Variants in CLEC16A observed in about 807,000 individuals in gnomAD.
CLEC16A encodes C-type lectin domain containing 16A, also known as protein CLEC16A.
Under a neutral mutation model 109.5 loss-of-function variants are expected in CLEC16A, and 51 were observed. The observed-to-expected ratio is 0.47, with a 90% CI of 0.37 to 0.59. The LOEUF (loss-of-function observed/expected upper bound fraction) is 0.59. Ranked by LOEUF, CLEC16A falls within the 20% of genes least tolerant of loss-of-function variation. The probability of loss-of-function intolerance (pLI) is 0.00; values close to 1 mark genes in which losing one functional copy is unlikely to be tolerated. For synonymous variants in CLEC16A, 673 were observed against 564.2 expected, an observed-to-expected ratio of 1.19 and a Z score of -2.73; for missense variants, 1,339 against 1,394.0, an observed-to-expected ratio of 0.96 and a Z score of 0.63.
At chr16:11,012,293 T>C (rs1282197279) in intron 11 of CLEC16A, among the ~76,000 whole-genome samples, 1 of 152,164 alleles carries the variant, frequency 6.6e-6, no homozygotes, top group African/African-American at 2.4e-5. Flanking sequence ...GAGCTGTACA[T>C]ACACTTAAGA....
chr16:11,085,472 A>G lies in CLEC16A; in HGVS notation c.2116+24450A>G, dbSNP rs567175956. On this transcript the variant is annotated intron_variant, in intron 19 of 23. Transcript: ENST00000409790. ...GCGTGAGGCCTTGGCTGTCCTCTTCATCTTTCTGCGTGTCTGTTTCTTCAG... is the reference window on the plus strand; with the variant it reads ...GCGTGAGGCCTTGGCTGTCCTCTTCGTCTTTCTGCGTGTCTGTTTCTTCAG... 5.9e-5 allele frequency among the ~76,000 whole-genome samples: 9 copies of G among 152,380 alleles called. No individual in the cohort carries two copies. In the East Asian group the frequency reaches 1.7e-3, roughly 29 times the overall value.
intron 10 of CLEC16A, among the ~76,000 whole-genome samples, chr16:10,999,290 G>A (rs1167753247): frequency 6.6e-6 from 1 of 152,034 alleles, no homozygotes; most frequent in African/African-American, 2.4e-5. Flanking sequence ...CAAACCAAAA[G>A]GTATAAAATA....
chr16:11,131,155 A>G (rs890313645), intron 22 of CLEC16A, among the ~76,000 whole-genome samples: 19 of 152,264 alleles, frequency 1.2e-4, no homozygotes, highest in East Asian at 1.2e-3. Flanking sequence ...AGTGGCGGCC[A>G]GTATGTGGGG....
chr16:11,027,144 C>A, intron 13 of CLEC16A: 1 of 1,450,382 alleles, frequency 6.9e-7, no homozygotes, highest in Non-Finnish European at 9.6e-7. Flanking sequence ...AAAGAAGGAG[C>A]AGAAGAAAGG....
At chr16:11,132,232 C>G (rs1317830277) in intron 22 of CLEC16A, among the ~76,000 whole-genome samples, 2 of 104,882 alleles carry the variant, frequency 1.9e-5, no homozygotes, top group Non-Finnish European at 4.2e-5. Context: ...CATCGCCCAC[C>G]CACCCCCCCC....
chr16:11,116,536 G>A (rs1444913698), intron 19 of CLEC16A, among the ~76,000 whole-genome samples: 1 of 152,142 alleles, frequency 6.6e-6, no homozygotes, highest in African/African-American at 2.4e-5. Flanking sequence ...AGACCGAGAG[G>A]ACCAACTGGG....
At chr16:10,959,861 C>T (rs796672521) in intron 2 of CLEC16A, among the ~76,000 whole-genome samples, 1 of 152,002 alleles carries the variant, frequency 6.6e-6, no homozygotes, top group Admixed American at 6.6e-5. Context: ...GATTCTTCCT[C>T]CTCAGCCTCC....
intron 20 of CLEC16A, among the ~76,000 whole-genome samples, chr16:11,123,168 C>T (rs2052557782): frequency 6.6e-6 from 1 of 152,264 alleles, no homozygotes; most frequent in East Asian, 1.9e-4. Flanking sequence ...TCCCAAAGTG[C>T]TGGAATTATA....
At chr16:10,991,811 C>G (rs968132978) in intron 10 of CLEC16A, among the ~76,000 whole-genome samples, 1 of 152,182 alleles carries the variant, frequency 6.6e-6, no homozygotes. Context: ...CTGATGGGAG[C>G]CTGAGGGCTG....
At chr16:11,014,839 C>T (rs1489873168) in intron 11 of CLEC16A, among the ~76,000 whole-genome samples, 1 of 152,190 alleles carries the variant, frequency 6.6e-6, no homozygotes, top group Admixed American at 6.5e-5. Flanking sequence ...GGAGTTGGGG[C>T]CCGGAGTGGC....
intron 23 of CLEC16A, among the ~76,000 whole-genome samples, chr16:11,175,744 G>C (rs1330449815): frequency 2.0e-5 from 3 of 152,176 alleles, no homozygotes; most frequent in Non-Finnish European, 2.9e-5. Flanking sequence ...AATCAGTTCT[G>C]TGCGCATGCT....
intron 13 of CLEC16A, among the ~76,000 whole-genome samples, chr16:11,027,926 C>T (rs563223940): frequency 5.6e-4 from 85 of 152,316 alleles, no homozygotes; most frequent in African/African-American, 1.1e-3. Context: ...GCTGGCTGGG[C>T]GTTGTGGCTC....
At chr16:10,946,160 G>A (rs147346072) in intron 1 of CLEC16A, among the ~76,000 whole-genome samples, 2 of 152,276 alleles carry the variant, frequency 1.3e-5, no homozygotes, top group African/African-American at 2.4e-5. Context: ...GAAATAGGCA[G>A]GTTTCCAGAA....
At chr16:11,027,845 T>C in intron 13 of CLEC16A, 1 of 689,924 alleles carries the variant, frequency 1.4e-6, no homozygotes, top group Non-Finnish European at 2.6e-6. Flanking sequence ...TTTTATCAAG[T>C]GTCTTCAGAG....
chr16:11,042,390 T>G, intron 15 of CLEC16A, 27 bp downstream of exon 15: 1 of 1,520,758 alleles, frequency 6.6e-7, no homozygotes, highest in Non-Finnish European at 8.9e-7. Context: ...TCCTCCTTCC[T>G]GTGGGCCAAG....
At chr16:10,995,871 G>C (rs1029087082) in intron 10 of CLEC16A, among the ~76,000 whole-genome samples, 1 of 152,204 alleles carries the variant, frequency 6.6e-6, no homozygotes, top group African/African-American at 2.4e-5. Flanking sequence ...TAGCAGAGCT[G>C]TTTGAGGAAG....
intron 10 of CLEC16A, among the ~76,000 whole-genome samples, chr16:11,000,864 G>A (rs539490853): frequency 2.0e-5 from 3 of 152,226 alleles, no homozygotes; most frequent in East Asian, 3.9e-4. Flanking sequence ...GGCAAGGTAC[G>A]GTGTTCCCCA....
In CLEC16A at chr16:11,120,687, A is replaced by G. The variant is rs758396980; in HGVS notation, c.2189A>G (p.Asp730Gly). 8.1e-6 allele frequency: 13 copies of G among 1,612,326 alleles called. No individual in the cohort carries two copies. Among genetic ancestry groups the G allele is most frequent in the South Asian group, 1.1e-5 (1 of 90,538 alleles). ...ATGGTCCAGCGATTCCTGGCTGTGG[A>G]TATTTACCAGATGAGTTTGGTGGAG... Reference protein sequence around the residue: ...GGMVQRFLAVDIYQMSLVEPD... With the variant: ...GGMVQRFLAVGIYQMSLVEPD... The change falls in exon 20 of 24, where the codon GAT becomes GGT. Residue 730 changes from aspartate to glycine, a missense_variant. Physicochemically the swap from Asp to Gly is moderately conservative, Grantham distance 94. Around this residue, in one of 3 missense-constraint regions of CLEC16A, gnomAD observed 1,061 missense variants for 1,006.8 expected, o/e 1.05. Transcript: ENST00000409790.
At chr16:11,173,215 T>C (rs940138828) in intron 23 of CLEC16A, among the ~76,000 whole-genome samples, 1 of 152,222 alleles carries the variant, frequency 6.6e-6, no homozygotes, top group Non-Finnish European at 1.5e-5. Context: ...CTCAGTTTTC[T>C]CTGTGGCATC....
Sources: gnomAD v4.1 joint callset for allele counts (sites outside exome capture counted in the v4.1 genomes callset) on GRCh38, gnomAD v4.1.1 for gene constraint, gnomAD v4.1.1 regional missense constraint, MANE v1.5 for transcripts, NCBI Gene and HGNC (gene_info 2026-07-23, HGNC 2026-07-21) for gene names.